The following MCUB variants were observed in gnomAD, a reference collection of about 807,000 sequenced individuals.
The protein encoded by MCUB is calcium uniporter regulatory subunit MCUb, mitochondrial.
Under a neutral mutation model 41.4 loss-of-function variants are expected in MCUB, and 46 were observed. The ratio of observed to expected loss-of-function variants is 1.11; its 90% CI spans 0.88 to 1.42. MCUB has a LOEUF of 1.42. Ranked by LOEUF, MCUB falls within the 40% of genes most tolerant of loss-of-function variation. MCUB has a pLI of 0.00. For missense variants in MCUB, 403 were observed against 404.9 expected, an observed-to-expected ratio of 1.00 and a Z score of 0.04; for synonymous variants, 148 against 148.2, an observed-to-expected ratio of 1.00 and a Z score of 0.01.
chr4:109,619,086 A>G (rs1423676839), intron 1 of MCUB, among the ~76,000 whole-genome samples: 8 of 150,982 alleles, frequency 5.3e-5, no homozygotes, highest in Admixed American at 5.3e-4. Context: ...CTATTTATTG[A>G]GATGGAGTCT....
intron 1 of MCUB, among the ~76,000 whole-genome samples, chr4:109,589,111 G>A (rs1727375285): frequency 6.6e-6 from 1 of 152,138 alleles, no homozygotes; most frequent in South Asian, 2.1e-4. Context: ...CCTTCTGATG[G>A]TCCTCCAAGT....
chr4:109,637,262 C>T (rs1728616966), intron 1 of MCUB, among the ~76,000 whole-genome samples: 1 of 152,096 alleles, frequency 6.6e-6, no homozygotes, highest in South Asian at 2.1e-4. Flanking sequence ...AAGACTTCTT[C>T]CAGTGTAACC....
At chr4:109,587,003 G>A (rs1561217888) in intron 1 of MCUB, among the ~76,000 whole-genome samples, 1 of 152,218 alleles carries the variant, frequency 6.6e-6, no homozygotes, top group Admixed American at 6.5e-5. Flanking sequence ...CTGTCAGAGA[G>A]GGACGTTTAA....
At chr4:109,678,110 G>A (rs1210987418) in intron 4 of MCUB, among the ~76,000 whole-genome samples, 1 of 151,974 alleles carries the variant, frequency 6.6e-6, no homozygotes, top group African/African-American at 2.4e-5. Flanking sequence ...CACAGCACAT[G>A]TTTCAGAGAG....
At chr4:109,632,202 G>A (rs1728488574) in intron 1 of MCUB, among the ~76,000 whole-genome samples, 1 of 151,990 alleles carries the variant, frequency 6.6e-6, no homozygotes, top group Non-Finnish European at 1.5e-5. Context: ...AAATATTTTA[G>A]GTTTTCTGAC....
At chr4:109,678,830 G>T in intron 4 of MCUB, among the ~76,000 whole-genome samples, 1 of 141,256 alleles carries the variant, frequency 7.1e-6, no homozygotes, top group South Asian at 2.3e-4. Context: ...CGGGGCAGCT[G>T]GGCAGAGGCG....
intron 1 of MCUB, among the ~76,000 whole-genome samples, chr4:109,586,554 G>C (rs1476005366): frequency 6.6e-6 from 1 of 152,154 alleles, no homozygotes; most frequent in East Asian, 1.9e-4. Context: ...AGAATTTTCA[G>C]CTTTTCTGCT....
chr4:109,589,913 A>G (rs888372373), intron 1 of MCUB, among the ~76,000 whole-genome samples: 1 of 152,212 alleles, frequency 6.6e-6, no homozygotes, highest in African/African-American at 2.4e-5. Context: ...CTGCCTTATC[A>G]TATCTTAGAT....
chr4:109,577,501 A>AG (rs1727058333), intron 1 of MCUB, among the ~76,000 whole-genome samples: 1 of 152,230 alleles, frequency 6.6e-6, no homozygotes, highest in African/African-American at 2.4e-5. Context: ...AAAGCAACTA[A>AG]GGCTCAGACC....
In MCUB at chr4:109,632,709, G is replaced by A. The variant is rs59467404; in HGVS notation, c.100-26302G>A. The stretch of plus-strand genomic sequence containing the variant: ...TGATTCACTGCAACCTCCACCTCCC[G>A]GTTCAAGTGATTCTCTTGCCTCAGC... On this transcript the variant is annotated intron_variant, in intron 1 of 7. Coordinates refer to ENST00000394650, the MANE Select transcript of MCUB (RefSeq NM_017918.5). Among the ~76,000 whole-genome samples, 1,224 of 146,404 alleles carry A rather than the reference G, an allele frequency of 8.4e-3. 34 individuals carry two copies. Among genetic ancestry groups the A allele is most frequent in the South Asian group, 0.063 (286 of 4,566 alleles).
chr4:109,656,243 G>A (rs1404523940), intron 1 of MCUB, among the ~76,000 whole-genome samples: 1 of 150,976 alleles, frequency 6.6e-6, no homozygotes, highest in Non-Finnish European at 1.5e-5. Flanking sequence ...TAGGTAACGT[G>A]TAGAAAAAAA....
intron 1 of MCUB, among the ~76,000 whole-genome samples, chr4:109,642,169 A>C (rs1388171115): frequency 2.6e-5 from 4 of 152,136 alleles, no homozygotes; most frequent in Non-Finnish European, 4.4e-5. Flanking sequence ...TTTCAAGGGG[A>C]TAGTTTTTGA....
At chr4:109,646,650 TAGAC>T (rs1454014163) in intron 1 of MCUB, among the ~76,000 whole-genome samples, 2 of 152,190 alleles carry the variant, frequency 1.3e-5, no homozygotes, top group East Asian at 1.9e-4. Flanking sequence ...CTACATAACT[TAGAC>T]AGCGCTCCTC....
In MCUB at chr4:109,560,385, CCCTGGCA is replaced by C; in HGVS notation, c.55_61del (p.Thr19AlafsTer17). On this transcript the variant is annotated frameshift_variant, in exon 1 of 8. Transcript: ENST00000394650. LOFTEE classifies it high-confidence loss of function. ...CGTGGCGCACGCGGCTGCTGCCGAC[CCCTGGCA>C]CCTGGCGCCCAGCGCGCCCGTGGCC... is the stretch of plus-strand genomic sequence containing the variant. 1 of 1,329,000 alleles carries C rather than the reference CCCTGGCA, an allele frequency of 7.5e-7. No individual in the cohort carries two copies. The highest frequency in any genetic ancestry group is 9.6e-7 in the Non-Finnish European group (1 of 1,039,530). The allele number at this position is 1,329,000 out of a possible 1,614,324, so 82.3% of individuals were successfully genotyped here. A position where few individuals can be genotyped will look rare whatever the true frequency, so the allele number is the denominator to read the frequency against.
chr4:109,673,870 C>T (rs182835969), intron 4 of MCUB: 96 of 770,044 alleles, frequency 1.2e-4, no homozygotes, highest in Non-Finnish European at 2.2e-4. Flanking sequence ...TGTTTCTCTT[C>T]CTTCATATGA....
Position 109,599,372 on chromosome 4 carries a change from G to A in MCUB, c.99+38936G>A, listed in dbSNP as rs888105756. ...CATCTTGGGAGTTATGAAGACCACC[G>A]AAACGACAGGAAACAACTTTGCAAC... is the stretch of plus-strand genomic sequence containing the variant. On this transcript the variant is annotated intron_variant, in intron 1 of 7. Transcript: ENST00000394650. Among the ~76,000 whole-genome samples the A allele has an allele frequency of 2.6e-5, 4 of 151,386 alleles. No homozygotes were observed. In the South Asian group the frequency reaches 8.4e-4, roughly 32 times the overall value.
chr4:109,672,592 A>G (rs1366702694), intron 4 of MCUB, among the ~76,000 whole-genome samples: 2 of 152,224 alleles, frequency 1.3e-5, no homozygotes, highest in African/African-American at 4.8e-5. Flanking sequence ...CAAATAATAG[A>G]AGGCTCTTAC....
chr4:109,600,023 A>G (rs1465454870), intron 1 of MCUB, among the ~76,000 whole-genome samples: 2 of 152,178 alleles, frequency 1.3e-5, no homozygotes, highest in Non-Finnish European at 1.5e-5. Context: ...GTGCTTTCCT[A>G]ATATTGAGGT....
intron 1 of MCUB, among the ~76,000 whole-genome samples, chr4:109,626,951 T>C (rs76326005): frequency 0.016 from 2,510 of 152,256 alleles, 65 homozygotes; most frequent in African/African-American, 0.058. Flanking sequence ...TTTCTTTCTT[T>C]TAGGACAAAA....
Sources: gnomAD v4.1 joint callset for allele counts (sites outside exome capture counted in the v4.1 genomes callset) on GRCh38, gnomAD v4.1.1 for gene constraint, MANE v1.5 for transcripts, NCBI Gene and HGNC (gene_info 2026-07-23, HGNC 2026-07-21) for gene names.